The following ZFAND3 variants were observed in gnomAD, a reference collection of about 807,000 sequenced individuals.
ZFAND3 encodes AN1-type zinc finger protein 3.
A neutral mutation model predicts 29.6 loss-of-function variants in ZFAND3; 10 were observed. The observed-to-expected ratio is 0.34, with a 90% CI of 0.21 to 0.57. The LOEUF (loss-of-function observed/expected upper bound fraction) is 0.57, where lower values mean the gene tolerates loss of function less well. ZFAND3 is among the 20% of genes least tolerant of loss of function. ZFAND3 has a pLI of 0.86. For missense variants in ZFAND3, 230 were observed against 304.5 expected, an observed-to-expected ratio of 0.76 and a Z score of 1.82; for synonymous variants, 128 against 112.6, an observed-to-expected ratio of 1.14 and a Z score of -0.87.
intron 1 of ZFAND3, among the ~76,000 whole-genome samples, chr6:37,855,846 A>C (rs539809227): frequency 2.6e-5 from 4 of 152,206 alleles, no homozygotes; most frequent in Admixed American, 6.5e-5. Flanking sequence ...TTCTGCATAG[A>C]AACTTTATAA....
At position 37,829,143 on chromosome 6, in the gene ZFAND3, A is replaced by G. The variant is rs950196227; in HGVS notation, c.71+9127A>G. ...AAGGTATTCTCTTACGAAGTGGAGA[A>G]CTGTTCTGTGGACTGATCAGCAGTG... On this transcript the variant is annotated intron_variant, in intron 1 of 5. Transcript: ENST00000287218. Among the ~76,000 whole-genome samples, 3 of 152,184 alleles carry G rather than the reference A, an allele frequency of 2.0e-5. No homozygotes were observed. In the South Asian group the frequency reaches 6.2e-4, roughly 32 times the overall value.
chr6:38,131,830 G>A (rs1765748193), intron 5 of ZFAND3, among the ~76,000 whole-genome samples: 1 of 152,208 alleles, frequency 6.6e-6, no homozygotes, highest in Non-Finnish European at 1.5e-5. Context: ...GTCCTCATGA[G>A]CCTGCTGCTT....
rs1491562669 is a variant in ZFAND3 at position 38,045,230 on chromosome 6, GGT to G, written c.113-16361_113-16360del. Among the ~76,000 whole-genome samples the G allele has an allele frequency of 5.6e-3, 848 of 151,912 alleles. 42 individuals are homozygous for G. In the East Asian group the frequency reaches 0.12, roughly 22 times the overall value. ...AGCCTCCCAAGTACCTGGGATTACA[GGT>G]GCATGCCACTATGCCCGGCTAATTT... On this transcript the variant is annotated intron_variant, in intron 2 of 5. Coordinates refer to ENST00000287218, the MANE Select transcript of ZFAND3 (RefSeq NM_021943.3).
chr6:38,124,179 A>G (rs572379754), intron 5 of ZFAND3, among the ~76,000 whole-genome samples: 7 of 152,336 alleles, frequency 4.6e-5, no homozygotes, highest in African/African-American at 1.7e-4. Flanking sequence ...CTAGACACAG[A>G]GTGCTGACTG....
At chr6:38,043,263 G>A (rs1344137177) in intron 2 of ZFAND3, among the ~76,000 whole-genome samples, 1 of 147,670 alleles carries the variant, frequency 6.8e-6, no homozygotes, top group Non-Finnish European at 1.5e-5. Context: ...GCCACCCTGT[G>A]AGCCACCATG....
intron 3 of ZFAND3, among the ~76,000 whole-genome samples, chr6:38,065,636 G>T (rs879043331): frequency 1.3e-5 from 2 of 152,136 alleles, no homozygotes; most frequent in Admixed American, 1.3e-4. Flanking sequence ...ACTTAGAGAG[G>T]TTCATTAACT....
At chr6:38,057,576 C>T (rs143100582) in intron 2 of ZFAND3, among the ~76,000 whole-genome samples, 13 of 152,262 alleles carry the variant, frequency 8.5e-5, no homozygotes, top group Non-Finnish European at 1.8e-4. Flanking sequence ...AACCACCTCC[C>T]TTTGTTTTAC....
intron 2 of ZFAND3, among the ~76,000 whole-genome samples, chr6:37,946,229 T>A (rs1266037767): frequency 6.6e-6 from 1 of 152,224 alleles, no homozygotes; most frequent in Admixed American, 6.5e-5. Flanking sequence ...AAGTGTCTTG[T>A]ATTTCCTACC....
In ZFAND3 at chr6:38,153,127, A is replaced by G. The variant is rs747613765; in HGVS notation, c.*738A>G. On this transcript the variant is annotated 3_prime_UTR_variant, in exon 6 of 6. Transcript: ENST00000287218. ...GGATCCAAGGTCACGAGAAGCAGCC[A>G]GAGTGCCCCGCCTCCGCCGGCTCTG... is the stretch of plus-strand genomic sequence containing the variant. The G allele has an allele frequency of 1.0e-4, 103 of 985,418 alleles. No homozygotes were observed. The highest frequency in any genetic ancestry group is 6.6e-5 in the Non-Finnish European group (55 of 829,974). The allele number at this position is 985,418 out of a possible 1,614,324, so 61.0% of individuals were successfully genotyped here. A position where few individuals can be genotyped will look rare whatever the true frequency, so the allele number is the denominator to read the frequency against.
chr6:38,079,666 T>C (rs1244749872), intron 3 of ZFAND3, among the ~76,000 whole-genome samples: 1 of 152,214 alleles, frequency 6.6e-6, no homozygotes, highest in Admixed American at 6.5e-5. Context: ...TTAGTTAAGC[T>C]GTTACCCTTG....
At chr6:38,139,012 C>T (rs770683303) in intron 5 of ZFAND3, among the ~76,000 whole-genome samples, 1 of 152,058 alleles carries the variant, frequency 6.6e-6, no homozygotes, top group Non-Finnish European at 1.5e-5. Flanking sequence ...TGCAGGAGGA[C>T]GTGATGCTGG....
At chr6:38,086,725 T>C (rs2127472406) in intron 4 of ZFAND3, among the ~76,000 whole-genome samples, 1 of 152,332 alleles carries the variant, frequency 6.6e-6, no homozygotes, top group African/African-American at 2.4e-5. Context: ...GGAAGGTATT[T>C]GGATATTTAG....
At chr6:38,144,194 T>TATATA (rs1766032778) in intron 5 of ZFAND3, among the ~76,000 whole-genome samples, 1 of 32,258 alleles carries the variant, frequency 3.1e-5, no homozygotes, top group African/African-American at 1.4e-4. Flanking sequence ...AATATATATA[T>TATATA]ATATATATAT....
chr6:38,061,966 G>C (rs112256406), intron 3 of ZFAND3, among the ~76,000 whole-genome samples, 191 bp downstream of exon 3: 1 of 152,180 alleles, frequency 6.6e-6, no homozygotes, highest in Non-Finnish European at 1.5e-5. Flanking sequence ...CTTTTATACC[G>C]TCAAAGTACA....
At chr6:38,106,434 G>A (rs1407364891) in intron 4 of ZFAND3, among the ~76,000 whole-genome samples, 3 of 152,190 alleles carry the variant, frequency 2.0e-5, no homozygotes, top group South Asian at 2.1e-4. Flanking sequence ...ACAGGTGTGA[G>A]CCACCACTCC....
chr6:38,012,163 C>A (rs372896693), intron 2 of ZFAND3, among the ~76,000 whole-genome samples: 2 of 152,128 alleles, frequency 1.3e-5, no homozygotes, highest in South Asian at 2.1e-4. Context: ...CATCTCCGTT[C>A]CTAGTGGAGA....
intron 5 of ZFAND3, among the ~76,000 whole-genome samples, chr6:38,121,396 C>CAACAAAAAACAAG (rs1403402402): frequency 1.3e-5 from 2 of 152,122 alleles, no homozygotes; most frequent in African/African-American, 4.8e-5. Flanking sequence ...AAAAAACAAA[C>CAACAAAAAACAAG]AACAAAAAAC....
chr6:38,090,119 C>G (rs894039117), intron 4 of ZFAND3, among the ~76,000 whole-genome samples: 3 of 152,192 alleles, frequency 2.0e-5, no homozygotes, highest in African/African-American at 7.2e-5. Flanking sequence ...TCCCAAAGTG[C>G]TGGGATTACA....
chr6:37,866,588 T>C (rs779420340), intron 1 of ZFAND3, among the ~76,000 whole-genome samples: 3 of 152,232 alleles, frequency 2.0e-5, no homozygotes, highest in Non-Finnish European at 4.4e-5. Context: ...TAAGGCTGTT[T>C]TGTTGACTGC....
Sources: allele counts gnomAD v4.1 joint callset (sites outside exome capture counted in the v4.1 genomes callset), GRCh38; gene constraint gnomAD v4.1.1; transcripts MANE v1.5; gene names NCBI Gene and HGNC (gene_info 2026-07-23, HGNC 2026-07-21).